MAP2K3: variants seen among roughly 807,000 people sequenced by gnomAD.
MAP2K3 encodes the protein mitogen-activated protein kinase kinase 3.
Under a neutral mutation model 46.4 loss-of-function variants are expected in MAP2K3, and 30 were observed. The observed-to-expected ratio is 0.65, with a 90% CI of 0.48 to 0.88. MAP2K3 has a LOEUF of 0.88. Among genes scored for constraint, MAP2K3 ranks in the 40% least tolerant of loss-of-function variants. The pLI, the probability that MAP2K3 is intolerant of heterozygous loss-of-function variation, is 0.00. For synonymous variants in MAP2K3, 189 were observed against 176.3 expected (o/e 1.07, Z -0.57); for missense variants, 380 against 464.5 (o/e 0.82, Z 1.67).
intron 5 of MAP2K3, 137 bp from the exon 6 acceptor site, chr17:21,302,002 GAGCC>G: frequency 1.2e-6 from 1 of 815,028 alleles, no homozygotes; most frequent in Non-Finnish European, 2.0e-6. Context: ...TGGTGGGTGG[GAGCC>G]CGGTGAACTG....
intron 9 of MAP2K3, among the ~76,000 whole-genome samples, chr17:21,308,610 T>A (rs1977015650): frequency 1.1e-4 from 1 of 9,060 alleles, no homozygotes; most frequent in Admixed American, 1.5e-3. Flanking sequence ...CAATTAAAAT[T>A]TTTTTTTTTT....
At chr17:21,291,659 G>C (rs1237832406) in intron 1 of MAP2K3, 6 of 448,426 alleles carry the variant, frequency 1.3e-5, no homozygotes, top group South Asian at 6.3e-5. Flanking sequence ...CAGTGTGGGA[G>C]CCTGGGGCCA....
intron 10 of MAP2K3, among the ~76,000 whole-genome samples, chr17:21,312,600 GC>G (rs1478313686): frequency 7.2e-5 from 11 of 152,156 alleles, no homozygotes; most frequent in Non-Finnish European, 1.6e-4. Context: ...ATTAAAGAAT[GC>G]CCCATAGGAG....
intron 9 of MAP2K3, among the ~76,000 whole-genome samples, chr17:21,310,715 C>T (rs9901266): frequency 0.06 from 9,076 of 152,332 alleles, 663 homozygotes; most frequent in African/African-American, 0.17. Flanking sequence ...GGTGCGACTA[C>T]GGTCCTGGCT....
At chr17:21,290,523 A>T (rs1313083759) in intron 1 of MAP2K3, among the ~76,000 whole-genome samples, 1 of 152,306 alleles carries the variant, frequency 6.6e-6, no homozygotes, top group Non-Finnish European at 1.5e-5. Context: ...CCTACCTCTC[A>T]GGGCTGCTGT....
intron 1 of MAP2K3, among the ~76,000 whole-genome samples, chr17:21,292,363 C>CTGG (rs1177681084): frequency 2.0e-5 from 3 of 152,304 alleles, no homozygotes; most frequent in African/African-American, 7.2e-5. Flanking sequence ...CTGCACACTC[C>CTGG]AGCATTTTCT....
intron 10 of MAP2K3, among the ~76,000 whole-genome samples, chr17:21,312,566 T>C (rs73302048): frequency 2.0e-5 from 3 of 152,226 alleles, no homozygotes; most frequent in Non-Finnish European, 2.9e-5. Context: ...TTTGCTTTTA[T>C]TGATATCTAG....
At chr17:21,304,662 C>T (rs1352261596) in intron 8 of MAP2K3, 109 bp downstream of exon 8, 1 of 1,534,164 alleles carries the variant, frequency 6.5e-7, no homozygotes, top group Non-Finnish European at 8.8e-7. Flanking sequence ...AGAGCCTCCC[C>T]ACACTGCGTT....
intron 7 of MAP2K3, among the ~76,000 whole-genome samples, 167 bp downstream of exon 7, chr17:21,303,401 C>T (rs533436080): frequency 3.9e-5 from 6 of 152,422 alleles, no homozygotes; most frequent in Admixed American, 2.6e-4. Context: ...CAGCTGCCTC[C>T]CCTCAGGTTT....
At chr17:21,304,284 C>G in intron 7 of MAP2K3, 142 bp from the exon 8 acceptor site, 3 of 1,473,000 alleles carry the variant, frequency 2.0e-6, no homozygotes, top group Non-Finnish European at 2.8e-6. Flanking sequence ...CCTTGGGACC[C>G]TGGTGCAACC....
intron 1 of MAP2K3, among the ~76,000 whole-genome samples, chr17:21,287,083 G>C (rs920271049): frequency 3.3e-5 from 5 of 152,276 alleles, no homozygotes; most frequent in African/African-American, 4.8e-5. Flanking sequence ...CCCTAGGACT[G>C]TGTTTCCACA....
intron 1 of MAP2K3, among the ~76,000 whole-genome samples, chr17:21,288,965 G>T (rs1975802769): frequency 6.6e-6 from 1 of 152,242 alleles, no homozygotes; most frequent in Non-Finnish European, 1.5e-5. Flanking sequence ...ATGCTCCCTT[G>T]CAGGGTAGTG....
At chr17:21,299,249 G>A (rs112576860) in intron 3 of MAP2K3, among the ~76,000 whole-genome samples, 1,060 of 151,842 alleles carry the variant, frequency 7.0e-3, no homozygotes, top group African/African-American at 0.024. Flanking sequence ...CTCCTAGGCC[G>A]CCCTGGACCC....
chr17:21,301,167 G>A (rs1445588422), intron 5 of MAP2K3, among the ~76,000 whole-genome samples, 174 bp downstream of exon 5: 1 of 152,310 alleles, frequency 6.6e-6, no homozygotes, highest in Non-Finnish European at 1.5e-5. Context: ...CAGTTTCCTT[G>A]TCAGTCAAAT....
Position 21,302,242 on chromosome 17 carries a change from G to A in MAP2K3, c.499G>A (p.Gly167Arg). The A allele has an allele frequency of 6.6e-7, 1 of 1,518,078 alleles. No homozygotes were observed. Among genetic ancestry groups the A allele is most frequent in the Non-Finnish European group, 9.0e-7 (1 of 1,117,306 alleles). The allele number at this position is 1,518,078 out of a possible 1,614,324, so 94.0% of individuals were successfully genotyped here. ...CATGACAATTCCAGAGGACATCCTT[G>A]GGGAGATTGCTGTGTCTGTGAGTGG... ...KNMTIPEDIL[G>R]EIAVSIVRAL... is the part of the protein sequence containing the mutation. Residue 167 changes from glycine to arginine, a missense_variant, in exon 6 of 12, where the codon GGG (glycine) becomes AGG (arginine). By Grantham distance (125) the Gly-to-Arg change is moderately radical. Around this residue, in one of 5 missense-constraint regions of MAP2K3, gnomAD observed 294 missense variants for 275.4 expected, o/e 1.07. Transcript: ENST00000342679.
At chr17:21,308,001 G>A (rs1255431072) in intron 9 of MAP2K3, among the ~76,000 whole-genome samples, 2 of 151,746 alleles carry the variant, frequency 1.3e-5, no homozygotes, top group South Asian at 4.2e-4. Context: ...GATTATAGGC[G>A]TGAGCCACCA....
chr17:21,293,961 T>G (rs1353296100), intron 1 of MAP2K3, among the ~76,000 whole-genome samples: 2 of 152,304 alleles, frequency 1.3e-5, no homozygotes, highest in Non-Finnish European at 1.5e-5. Flanking sequence ...TGCCCACAGG[T>G]GCTTGGCAGT....
At chr17:21,291,599 C>T in intron 1 of MAP2K3, 1 of 456,440 alleles carries the variant, frequency 2.2e-6, no homozygotes, top group Non-Finnish European at 4.4e-6. Context: ...ACTTGTGGGT[C>T]CCCCTGCCCT....
At chr17:21,296,117 T>C in intron 1 of MAP2K3, 2 of 1,289,590 alleles carry the variant, frequency 1.6e-6, no homozygotes, top group South Asian at 1.2e-5. Context: ...TGACCATTTA[T>C]GGGCCACAAC....
Sources: allele counts gnomAD v4.1 joint callset (sites outside exome capture counted in the v4.1 genomes callset), GRCh38; gene constraint gnomAD v4.1.1; regional missense constraint gnomAD v4.1.1; transcripts MANE v1.5; gene names NCBI Gene and HGNC (gene_info 2026-07-23, HGNC 2026-07-21).